The following ROBO2 variants were observed in gnomAD, a reference collection of about 807,000 sequenced individuals.
The protein encoded by ROBO2 is roundabout homolog 2.
Under a neutral mutation model 160.8 loss-of-function variants are expected in ROBO2, and 53 were observed. The observed-to-expected ratio is 0.33, with a 90% CI of 0.26 to 0.41. The LOEUF (loss-of-function observed/expected upper bound fraction) is 0.41, where lower values mean the gene tolerates loss of function less well. Among genes scored for constraint, ROBO2 ranks in the 10% least tolerant of loss-of-function variants. The pLI, the probability that ROBO2 is intolerant of heterozygous loss-of-function variation, is 1.00. For missense variants in ROBO2, 1,577 were observed against 1,722.4 expected, an observed-to-expected ratio of 0.92 and a Z score of 1.49; for synonymous variants, 664 against 611.7, an observed-to-expected ratio of 1.09 and a Z score of -1.26.
chr3:76,450,427 T>G (rs2077416883), intron 2 of ROBO2, among the ~76,000 whole-genome samples: 1 of 152,184 alleles, frequency 6.6e-6, no homozygotes, highest in Admixed American at 6.6e-5. Flanking sequence ...TTTCTGAAAT[T>G]TTTAAAGTAA....
At chr3:76,825,270 A>G (rs1309203375) in intron 2 of ROBO2, among the ~76,000 whole-genome samples, 1 of 152,216 alleles carries the variant, frequency 6.6e-6, no homozygotes, top group African/African-American at 2.4e-5. Context: ...CCTGAAAGGC[A>G]ATAAATGGAT....
intron 2 of ROBO2, among the ~76,000 whole-genome samples, chr3:76,921,327 T>G (rs1171258105): frequency 6.6e-6 from 1 of 152,142 alleles, no homozygotes; most frequent in African/African-American, 2.4e-5. Context: ...GTATCTAATT[T>G]TTGGCCAGGC....
At chr3:77,596,791 C>T in intron 19 of ROBO2, 41 bp downstream of exon 20, 1 of 1,523,332 alleles carries the variant, frequency 6.6e-7, no homozygotes, top group Non-Finnish European at 8.7e-7. Context: ...TGAGTTCTCT[C>T]TCTCTTTTTT....
chr3:76,922,272 C>T (rs1328315885), intron 2 of ROBO2, among the ~76,000 whole-genome samples: 3 of 152,100 alleles, frequency 2.0e-5, no homozygotes, highest in African/African-American at 7.2e-5. Context: ...GATCGCACCA[C>T]TGCACTCCAG....
chr3:76,398,008 A>G (rs1380815560), intron 2 of ROBO2, among the ~76,000 whole-genome samples: 2 of 152,180 alleles, frequency 1.3e-5, no homozygotes, highest in Non-Finnish European at 2.9e-5. Context: ...TCATGCTGCC[A>G]TAAAGACACA....
chr3:77,045,168 T>C (rs966554858), intron 1 of ROBO2, among the ~76,000 whole-genome samples: 2 of 152,166 alleles, frequency 1.3e-5, no homozygotes, highest in African/African-American at 4.8e-5. Context: ...TTATAAACTC[T>C]TTTTAAAAAT....
chr3:76,666,986 C>G (rs939477316), intron 2 of ROBO2, among the ~76,000 whole-genome samples: 1 of 151,838 alleles, frequency 6.6e-6, no homozygotes, highest in African/African-American at 2.4e-5. Flanking sequence ...TATAACATTT[C>G]AGAATGCATT....
chr3:76,335,373 G>A (rs1442071602), intron 2 of ROBO2, among the ~76,000 whole-genome samples: 1 of 151,060 alleles, frequency 6.6e-6, no homozygotes, highest in Non-Finnish European at 1.5e-5. Context: ...TTAGAGACGG[G>A]GTTTTACCAT....
intron 2 of ROBO2, among the ~76,000 whole-genome samples, chr3:77,101,036 T>C (rs2071846304): frequency 6.6e-6 from 1 of 152,174 alleles, no homozygotes; most frequent in Non-Finnish European, 1.5e-5. Flanking sequence ...AAGGTAGGCA[T>C]GTGCTGAATA....
intron 2 of ROBO2, among the ~76,000 whole-genome samples, chr3:76,002,335 C>T (rs1364227400): frequency 6.6e-6 from 1 of 152,092 alleles, no homozygotes; most frequent in Non-Finnish European, 1.5e-5. Context: ...TGTGTCCCCA[C>T]CCAAATCTCA....
At chr3:76,788,863 A>G (rs2063166118) in intron 2 of ROBO2, among the ~76,000 whole-genome samples, 1 of 151,600 alleles carries the variant, frequency 6.6e-6, no homozygotes, top group South Asian at 2.1e-4. Flanking sequence ...TTTAACAGTG[A>G]TAATCAAAAG....
chr3:76,355,300 G>A (rs1188703335), intron 2 of ROBO2, among the ~76,000 whole-genome samples: 1 of 151,628 alleles, frequency 6.6e-6, no homozygotes, highest in Non-Finnish European at 1.5e-5. Flanking sequence ...TTGTATGTAG[G>A]TTAACAGTGC....
At chr3:77,508,815 A>T (rs958194670) in intron 5 of ROBO2, among the ~76,000 whole-genome samples, 6 of 152,086 alleles carry the variant, frequency 3.9e-5, no homozygotes, top group Admixed American at 6.6e-5. Context: ...AAATTTTTTT[A>T]AAAAACAACA....
intron 2 of ROBO2, among the ~76,000 whole-genome samples, chr3:77,324,296 T>A (rs1455964313): frequency 1.3e-5 from 2 of 152,202 alleles, no homozygotes; most frequent in Non-Finnish European, 2.9e-5. Flanking sequence ...ACTGTGAGAA[T>A]GAAGCCCTTA....
chr3:76,230,745 A>G (rs1704573956), intron 2 of ROBO2, among the ~76,000 whole-genome samples: 1 of 152,048 alleles, frequency 6.6e-6, no homozygotes, highest in South Asian at 2.1e-4. Context: ...TCCCAGAAAG[A>G]TATGTTAAAG....
intron 2 of ROBO2, among the ~76,000 whole-genome samples, chr3:77,100,906 C>T (rs939096881): frequency 2.0e-5 from 3 of 151,866 alleles, no homozygotes; most frequent in Non-Finnish European, 2.9e-5. Flanking sequence ...TAAGAATGTC[C>T]CAGGTGGAAA....
chr3:77,107,994 A>G (rs1463581135), intron 2 of ROBO2, among the ~76,000 whole-genome samples: 3 of 151,840 alleles, frequency 2.0e-5, no homozygotes, highest in Non-Finnish European at 2.9e-5. Flanking sequence ...ATACATATAT[A>G]TGTGTGTGTG....
intron 2 of ROBO2, among the ~76,000 whole-genome samples, chr3:77,355,923 C>CT (rs2069052478): frequency 7.8e-6 from 1 of 127,740 alleles, no homozygotes; most frequent in African/African-American, 2.8e-5. Context: ...GACAGATAAT[C>CT]CAAAAAAAAA....
At chr3:76,910,738 A>AG (rs1430455421) in intron 2 of ROBO2, among the ~76,000 whole-genome samples, 94 of 148,664 alleles carry the variant, frequency 6.3e-4, no homozygotes, top group Non-Finnish European at 1.2e-3. Context: ...AAAAAAAAAA[A>AG]AAAAAAGAAA....
Sources: gnomAD v4.1 joint callset for allele counts (sites outside exome capture counted in the v4.1 genomes callset) on GRCh38, gnomAD v4.1.1 for gene constraint, MANE v1.5 for transcripts, NCBI Gene and HGNC (gene_info 2026-07-23, HGNC 2026-07-21) for gene names.